Variants in CAPN5 observed in about 807,000 individuals in gnomAD.
The protein encoded by CAPN5 is calpain-5.
In CAPN5, 54 loss-of-function variants were observed where a neutral mutation model predicts 73.0. The observed-to-expected ratio is 0.74, with a 90% CI of 0.59 to 0.93. The LOEUF is 0.93. Among genes scored for constraint, CAPN5 ranks in the 40% least tolerant of loss-of-function variants. CAPN5 has a pLI of 0.00. For missense variants in CAPN5, 785 were observed against 882.9 expected (o/e 0.89, Z 1.41); for synonymous variants, 335 against 356.9 (o/e 0.94, Z 0.69).
intron 1 of CAPN5, among the ~76,000 whole-genome samples, chr11:77,081,902 C>T (rs1414774642): frequency 3.3e-5 from 5 of 152,056 alleles, no homozygotes; most frequent in Admixed American, 1.3e-4. Context: ...TGGGAGCCTC[C>T]GCCACTCTCT....
chr11:77,077,575 G>A (rs1414409928), intron 1 of CAPN5, among the ~76,000 whole-genome samples: 1 of 151,464 alleles, frequency 6.6e-6, no homozygotes, highest in Non-Finnish European at 1.5e-5. Context: ...TGTCTCCCAG[G>A]CTGGAGTGCG....
intron 1 of CAPN5, among the ~76,000 whole-genome samples, chr11:77,070,491 G>C (rs1949891550): frequency 6.6e-6 from 1 of 152,220 alleles, no homozygotes; most frequent in Admixed American, 6.5e-5. Flanking sequence ...AAACTGATGT[G>C]GGGTGACTGT....
rs1383645426 is a variant in CAPN5 at position 77,120,731 on chromosome 11, T to C, written c.1309T>C (p.Tyr437His). ...DIYKVEENRQYRMHSLQHKAA... is the reference protein window; with the variant it reads ...DIYKVEENRQHRMHSLQHKAA... ...CCTGCAGGTGGAGGAGAACCGCCAG[T>C]ACCGCATGCACAGCCTGCAGCACAA... is the stretch of plus-strand genomic sequence containing the variant. Residue 437 changes from tyrosine (Y) to histidine (H), a missense_variant, in exon 10 of 13, where the codon TAC becomes CAC. Coordinates refer to ENST00000648180, the MANE Select transcript of CAPN5 (RefSeq NM_004055.5). 2 of 1,611,196 alleles carry C rather than the reference T, an allele frequency of 1.2e-6. No homozygotes were observed. Among genetic ancestry groups the C allele is most frequent in the Non-Finnish European group, 1.7e-6 (2 of 1,178,704 alleles).
chr11:77,093,608 T>TGTCAC (rs1950176154), intron 2 of CAPN5, 74 bp from the exon 3 acceptor site: 1 of 1,358,028 alleles, frequency 7.4e-7, no homozygotes, highest in South Asian at 1.4e-5. Context: ...CGTCTGTGTC[T>TGTCAC]GTCATGTCTC....
intron 1 of CAPN5, among the ~76,000 whole-genome samples, chr11:77,070,768 C>A (rs1949896631): frequency 6.6e-6 from 1 of 152,218 alleles, no homozygotes; most frequent in Non-Finnish European, 1.5e-5. Flanking sequence ...AGGCTGGCTT[C>A]TTCTGTGGGA....
chr11:77,110,392 TG>T (rs1291910341), intron 3 of CAPN5, among the ~76,000 whole-genome samples: 1 of 151,740 alleles, frequency 6.6e-6, no homozygotes, highest in East Asian at 1.9e-4. Flanking sequence ...GAAAGCAAAG[TG>T]GGGAGAGAGT....
chr11:77,108,835 A>G (rs1453547622), intron 3 of CAPN5, among the ~76,000 whole-genome samples: 3 of 152,170 alleles, frequency 2.0e-5, no homozygotes, highest in Non-Finnish European at 4.4e-5. Context: ...ATAAATATGC[A>G]TAGGTTTTAC....
intron 1 of CAPN5, among the ~76,000 whole-genome samples, chr11:77,080,200 A>G (rs141383591): frequency 6.6e-6 from 1 of 152,226 alleles, no homozygotes; most frequent in African/African-American, 2.4e-5. Flanking sequence ...ATTCTGTTCC[A>G]CTGTTCTATA....
intron 3 of CAPN5, among the ~76,000 whole-genome samples, chr11:77,101,422 C>G (rs1448932261): frequency 3.9e-5 from 6 of 152,198 alleles, no homozygotes; most frequent in Non-Finnish European, 7.3e-5. Context: ...AGCTACAAAG[C>G]AAAAGGTTCT....
chr11:77,091,091 C>T (rs1555036451), intron 2 of CAPN5, among the ~76,000 whole-genome samples: 1 of 152,180 alleles, frequency 6.6e-6, no homozygotes, highest in Admixed American at 6.5e-5. Flanking sequence ...GGAATTCTAG[C>T]CCTTTCTCTG....
chr11:77,114,460 C>A, intron 5 of CAPN5, 26 bp downstream of exon 5: 1 of 1,598,990 alleles, frequency 6.3e-7, no homozygotes, highest in Non-Finnish European at 8.6e-7. Context: ...TCCCCAGAGG[C>A]GACCCCTCCC....
intron 3 of CAPN5, chr11:77,103,465 G>A: frequency 9.5e-7 from 1 of 1,050,372 alleles, no homozygotes; most frequent in Non-Finnish European, 1.4e-6. Context: ...GGCCCCCTGA[G>A]TCCCACACCT....
Position 77,099,532 on chromosome 11 carries a change from G to A in CAPN5, c.297+5719G>A, listed in dbSNP as rs1202047234. On this transcript the variant is annotated intron_variant, in intron 3 of 12. Transcript: ENST00000648180. ...CACTCGCGGTTAGGGGCTGGAGACC[G>A]GCCCGGCCAACACAGCGAAACCCCG... Among the ~76,000 whole-genome samples, 660 of 150,012 alleles carry A rather than the reference G, an allele frequency of 4.4e-3. 2 individuals carry two copies. Among genetic ancestry groups the A allele is most frequent in the African/African-American group, 0.015 (627 of 40,616 alleles).
intron 3 of CAPN5, among the ~76,000 whole-genome samples, chr11:77,098,059 G>A (rs1950231766): frequency 1.1e-5 from 1 of 88,794 alleles, no homozygotes; most frequent in African/African-American, 6.3e-5. Context: ...GGGCAGAGGC[G>A]CCCCTCACCT....
intron 1 of CAPN5, among the ~76,000 whole-genome samples, chr11:77,082,411 A>C (rs782591743): frequency 5.9e-5 from 9 of 152,244 alleles, no homozygotes; most frequent in Middle Eastern, 3.2e-3. Context: ...TGGGTGGAGC[A>C]GCTTGCCTGC....
chr11:77,114,304 CG>C lies in CAPN5; in HGVS notation c.572del (p.Gly191ValfsTer9). ...GNTADALVDF[T>X]GGVSEPIDLT... is the part of the protein sequence containing the mutation. ...ACAGCAGACGCACTGGTGGACTTCA[CG>C]GGTGGTGTTTCTGAGCCCATCGACC... On this transcript the variant is annotated frameshift_variant, in exon 5 of 13. Transcript: ENST00000648180. LOFTEE classifies it high-confidence loss of function. 2 of 1,614,168 alleles carry C rather than the reference CG, an allele frequency of 1.2e-6. No individual in the cohort carries two copies. The highest frequency in any genetic ancestry group is 1.7e-6 in the Non-Finnish European group (2 of 1,180,016).
At chr11:77,105,883 C>A (rs1258592446) in intron 3 of CAPN5, among the ~76,000 whole-genome samples, 3 of 152,176 alleles carry the variant, frequency 2.0e-5, no homozygotes, top group Non-Finnish European at 4.4e-5. Flanking sequence ...CAACTGAGGC[C>A]CAGAGGAGGC....
intron 12 of CAPN5, 124 bp downstream of exon 12, chr11:77,122,836 G>A: frequency 8.0e-7 from 1 of 1,249,552 alleles, no homozygotes; most frequent in South Asian, 1.4e-5. Flanking sequence ...CTAGCTGTCT[G>A]TCTATCCCTG....
In CAPN5 at chr11:77,118,319, C is replaced by T. The variant is rs782746877; in HGVS notation, c.1134C>T (p.Ile378=). ...DPRQNRGGGC[I]NHKDTFFQNP... The stretch of plus-strand genomic sequence containing the variant: ...GACAGAACCGCGGTGGCGGCTGCAT[C>T]AACCACAAGGACACCTTCTTCCAGA... Residue 378 remains isoleucine (I), a synonymous_variant, in exon 8 of 13, where the codon ATC becomes ATT. Transcript: ENST00000648180. 1.2e-6 allele frequency: 2 copies of T among 1,604,822 alleles called. No individual in the cohort carries two copies. Among genetic ancestry groups the T allele is most frequent in the Non-Finnish European group, 1.7e-6 (2 of 1,175,274 alleles).
Sources: gnomAD v4.1 joint callset for allele counts (sites outside exome capture counted in the v4.1 genomes callset) on GRCh38, gnomAD v4.1.1 for gene constraint, MANE v1.5 for transcripts, NCBI Gene and HGNC (gene_info 2026-07-23, HGNC 2026-07-21) for gene names.